The following FAM210A variants were observed in gnomAD, a reference collection of about 807,000 sequenced individuals.
The protein encoded by FAM210A is family with sequence similarity 210 member A.
In FAM210A, 13 loss-of-function variants were observed where a neutral mutation model predicts 25.3. The observed-to-expected ratio is 0.51, with a 90% CI of 0.33 to 0.82. The LOEUF is 0.82. FAM210A is among the 40% of genes least tolerant of loss of function. The probability of loss-of-function intolerance (pLI) is 0.02; values close to 1 mark genes in which losing one functional copy is unlikely to be tolerated. For missense variants in FAM210A, 319 were observed against 323.2 expected (o/e 0.99, Z 0.10); for synonymous variants, 125 against 118.7 (o/e 1.05, Z -0.35).
chr18:13,695,253 G>A (rs904273920), intron 1 of FAM210A, among the ~76,000 whole-genome samples: 8 of 152,152 alleles, frequency 5.3e-5, no homozygotes, highest in Non-Finnish European at 8.8e-5. Context: ...GGAACACTTT[G>A]ACACTGTTGG....
intron 1 of FAM210A, among the ~76,000 whole-genome samples, chr18:13,698,893 C>T (rs1298047541): frequency 6.6e-6 from 1 of 152,194 alleles, no homozygotes; most frequent in Non-Finnish European, 1.5e-5. Context: ...TGGTCCCCAA[C>T]CTCTCAGGTT....
intron 1 of FAM210A, among the ~76,000 whole-genome samples, chr18:13,708,979 A>C (rs1038611962): frequency 3.9e-5 from 6 of 152,206 alleles, no homozygotes; most frequent in Non-Finnish European, 7.4e-5. Context: ...CTCAATAACT[A>C]ATCACTGCTA....
rs754726735 is a variant in FAM210A at position 13,681,880 on chromosome 18, C to T, written c.198G>A (p.Lys66=). 14 of 1,614,088 alleles carry T rather than the reference C, an allele frequency of 8.7e-6. No individual in the cohort carries two copies. The East Asian group carries it at 1.8e-4, about 21-fold the overall frequency. The change falls in exon 2 of 4, where the codon AAG becomes AAA. Residue 66 remains lysine (K), a synonymous_variant. Transcript: ENST00000651643. ...LHLSAAQCVA[K]ERRPLDAHPP... ...GATGAGCATCCAATGGCCTCCTTTC[C>T]TTTGCAACACACTGGGCAGCAGATA...
At chr18:13,668,310 T>C (rs1244347912) in intron 3 of FAM210A, among the ~76,000 whole-genome samples, 1 of 152,178 alleles carries the variant, frequency 6.6e-6, no homozygotes, top group Non-Finnish European at 1.5e-5. Context: ...CTCCAGGCCC[T>C]CAACTTGCTG....
chr18:13,690,738 CA>C (rs1231994801), intron 1 of FAM210A, among the ~76,000 whole-genome samples: 3 of 152,138 alleles, frequency 2.0e-5, no homozygotes, highest in Non-Finnish European at 4.4e-5. Flanking sequence ...ACATCCACAC[CA>C]AAACCCCATC....
intron 3 of FAM210A, 134 bp from the exon 4 acceptor site, chr18:13,666,847 T>A: frequency 1.4e-6 from 1 of 720,974 alleles, no homozygotes; most frequent in Non-Finnish European, 2.3e-6. Context: ...AAAGCTAATG[T>A]AGTAATATCC....
intron 1 of FAM210A, among the ~76,000 whole-genome samples, chr18:13,705,424 A>G (rs2043770791): frequency 6.6e-6 from 1 of 152,214 alleles, no homozygotes. Context: ...AAAATATAAA[A>G]TAATTCAAAT....
chr18:13,711,066 G>A lies in FAM210A; in HGVS notation c.-29+15263C>T, dbSNP rs538370200. Reference sequence around the variant, plus strand: ...AATTTTTCTTCTTCCTGTTACCAGCGAAGTGTCTTAAAACAACAGCCTTGG... The same window carrying A: ...AATTTTTCTTCTTCCTGTTACCAGCAAAGTGTCTTAAAACAACAGCCTTGG... On this transcript the variant is annotated intron_variant, in intron 1 of 3. Coordinates refer to ENST00000651643, the MANE Select transcript of FAM210A (RefSeq NM_152352.4). Among the ~76,000 whole-genome samples the A allele has an allele frequency of 6.6e-5, 10 of 152,172 alleles. No homozygotes were observed. The East Asian group carries it at 1.4e-3, about 21-fold the overall frequency.
intron 1 of FAM210A, among the ~76,000 whole-genome samples, chr18:13,711,811 G>A (rs2043824063): frequency 6.6e-6 from 1 of 151,982 alleles, no homozygotes; most frequent in South Asian, 2.1e-4. Flanking sequence ...AACATCTTTT[G>A]TATCTGGGAC....
At chr18:13,689,995 T>A (rs914087005) in intron 1 of FAM210A, among the ~76,000 whole-genome samples, 2 of 152,140 alleles carry the variant, frequency 1.3e-5, no homozygotes, top group African/African-American at 4.8e-5. Flanking sequence ...GTCAGGGAAT[T>A]CCCTTTCCTA....
chr18:13,699,525 T>C (rs1011565260), intron 1 of FAM210A, among the ~76,000 whole-genome samples: 1 of 152,230 alleles, frequency 6.6e-6, no homozygotes, highest in Admixed American at 6.5e-5. Context: ...TACTCATTTA[T>C]ACAAAATATT....
intron 2 of FAM210A, among the ~76,000 whole-genome samples, chr18:13,672,852 A>G (rs996847049): frequency 6.6e-6 from 1 of 152,260 alleles, no homozygotes; most frequent in African/African-American, 2.4e-5. Flanking sequence ...CTTCTATTCT[A>G]TTAAAAGACT....
chr18:13,687,356 T>C (rs376058583), intron 1 of FAM210A, among the ~76,000 whole-genome samples: 2 of 152,126 alleles, frequency 1.3e-5, no homozygotes, highest in African/African-American at 4.8e-5. Flanking sequence ...AAGTGATAAA[T>C]TGGCAGCAGG....
chr18:13,707,310 A>G (rs2043786257), intron 1 of FAM210A, among the ~76,000 whole-genome samples: 1 of 152,232 alleles, frequency 6.6e-6, no homozygotes, highest in African/African-American at 2.4e-5. Context: ...CTAGGCCCCA[A>G]CAGACCAAAC....
chr18:13,679,634 C>T (rs1326001620), intron 2 of FAM210A, among the ~76,000 whole-genome samples: 1 of 152,138 alleles, frequency 6.6e-6, no homozygotes, highest in African/African-American at 2.4e-5. Flanking sequence ...GTGGTCGTGG[C>T]GGGGCAGTAG....
At chr18:13,687,858 A>G (rs1159135696) in intron 1 of FAM210A, 1 of 152,132 alleles carries the variant, frequency 6.6e-6, no homozygotes. Flanking sequence ...TTTCTTCCTT[A>G]CGCCCATCAG....
In FAM210A at chr18:13,698,603, C is replaced by A. The variant is rs73414599; in HGVS notation, c.-28-16498G>T. 2.5e-3 allele frequency among the ~76,000 whole-genome samples: 381 copies of A among 152,084 alleles called. 2 individuals are homozygous for A. The highest frequency in any genetic ancestry group is 8.5e-3 in the African/African-American group (352 of 41,478). Reference sequence around the variant, plus strand: ...AGACCTTGGTCAGAGTGAAACATTCCGCAGGGGTTCAGGCCATGAGAAACA... The same window carrying A: ...AGACCTTGGTCAGAGTGAAACATTCAGCAGGGGTTCAGGCCATGAGAAACA... On this transcript the variant is annotated intron_variant, in intron 1 of 3. Transcript: ENST00000651643.
At chr18:13,694,866 TG>T (rs1380920872) in intron 1 of FAM210A, among the ~76,000 whole-genome samples, 1 of 152,180 alleles carries the variant, frequency 6.6e-6, no homozygotes, top group African/African-American at 2.4e-5. Context: ...AATTGATAAA[TG>T]GGATCTAATT....
In FAM210A at chr18:13,666,391, C is replaced by T; in HGVS notation, c.*89G>A. On this transcript the variant is annotated 3_prime_UTR_variant, in exon 4 of 4. Transcript: ENST00000651643. ...AGAACTAGTATATTTCGGCAACTAA[C>T]CAAAAAAATAATCAGACACATGTAT... 4.6e-6 allele frequency: 5 copies of T among 1,082,892 alleles called. No individual in the cohort carries two copies. In the South Asian group the frequency reaches 6.4e-5, roughly 14 times the overall value. 67.1% of individuals were successfully genotyped at this position (1,082,892 alleles called of 1,614,324 possible).
Sources: allele counts gnomAD v4.1 joint callset (sites outside exome capture counted in the v4.1 genomes callset), GRCh38; gene constraint gnomAD v4.1.1; transcripts MANE v1.5; gene names NCBI Gene and HGNC (gene_info 2026-07-23, HGNC 2026-07-21).